The following KCNH7 variants were observed in gnomAD, a reference collection of about 807,000 sequenced individuals.
KCNH7 encodes potassium voltage-gated channel subfamily H member 7, also known as voltage-gated inwardly rectifying potassium channel KCNH7.
In KCNH7, 49 loss-of-function variants were observed where a neutral mutation model predicts 120.8. The observed-to-expected ratio is 0.41, with a 90% CI of 0.32 to 0.51. The LOEUF is 0.51. KCNH7 is among the 20% of genes least tolerant of loss of function. The pLI, the probability that KCNH7 is intolerant of heterozygous loss-of-function variation, is 0.38. For missense variants in KCNH7, 1,097 were observed against 1,446.6 expected (o/e 0.76, Z 3.92); for synonymous variants, 547 against 516.1 (o/e 1.06, Z -0.81).
At chr2:162,712,599 A>G (rs938591013) in intron 2 of KCNH7, among the ~76,000 whole-genome samples, 2 of 152,156 alleles carry the variant, frequency 1.3e-5, no homozygotes, top group Non-Finnish European at 2.9e-5. Context: ...AAGATGACAG[A>G]TTAAATGAAC....
intron 2 of KCNH7, among the ~76,000 whole-genome samples, chr2:162,647,777 G>A (rs1257486566): frequency 6.6e-6 from 1 of 152,090 alleles, no homozygotes; most frequent in Non-Finnish European, 1.5e-5. Flanking sequence ...CCAGTCTTGA[G>A]TATGTCTTTA....
rs143323115 is a variant in KCNH7, at chr2:162,658,771, C to A, written c.308-121691G>T. ...TATATTTTAAATTTCAAATTCCAAT[C>A]ATTTATTCTTGGTACATAGGAAAGT... On this transcript the variant is annotated intron_variant, in intron 2 of 15. Coordinates refer to ENST00000332142, the MANE Select transcript of KCNH7 (RefSeq NM_033272.4). 2.6e-3 allele frequency among the ~76,000 whole-genome samples: 399 copies of A among 151,898 alleles called. 1 individual carries two copies. The highest frequency in any genetic ancestry group is 4.8e-3 in the Non-Finnish European group (326 of 68,004).
At chr2:162,595,916 G>A (rs1694364524) in intron 2 of KCNH7, among the ~76,000 whole-genome samples, 1 of 151,606 alleles carries the variant, frequency 6.6e-6, no homozygotes, top group Non-Finnish European at 1.5e-5. Context: ...TACATTAACA[G>A]TGAACTTCTA....
chr2:162,822,101 G>T (rs1438071341), intron 2 of KCNH7, among the ~76,000 whole-genome samples: 1 of 51,138 alleles, frequency 2.0e-5, no homozygotes, highest in Non-Finnish European at 6.1e-5. Flanking sequence ...CCACAATAAA[G>T]CCCCTAAAAT....
intron 14 of KCNH7, among the ~76,000 whole-genome samples, chr2:162,379,158 C>T (rs566843284): frequency 6.6e-6 from 1 of 152,114 alleles, no homozygotes; most frequent in Non-Finnish European, 1.5e-5. Context: ...AATATCTTGC[C>T]TGGTGGTGAA....
intron 6 of KCNH7, among the ~76,000 whole-genome samples, chr2:162,503,866 C>G (rs1422641943): frequency 6.6e-6 from 1 of 152,032 alleles, no homozygotes; most frequent in Non-Finnish European, 1.5e-5. Context: ...TTTATCTACT[C>G]TCTGAAGCAG....
Position 162,633,504 on chromosome 2 carries a change from T to G in KCNH7, c.308-96424A>C, listed in dbSNP as rs191518525. Among the ~76,000 whole-genome samples the G allele has an allele frequency of 3.1e-3, 463 of 151,204 alleles. 1 individual carries two copies. Among genetic ancestry groups the G allele is most frequent in the African/African-American group, 0.011 (441 of 41,270 alleles). Reference sequence around the variant, plus strand: ...TATAACTGTTAGTTGTTATCTATGTTATTTACTTTCTTTAAAGTTTAGTAT... The same window carrying G: ...TATAACTGTTAGTTGTTATCTATGTGATTTACTTTCTTTAAAGTTTAGTAT... On this transcript the variant is annotated intron_variant, in intron 2 of 15. Coordinates refer to ENST00000332142, the MANE Select transcript of KCNH7 (RefSeq NM_033272.4).
chr2:162,710,983 TCAACTC>T (rs1686907785), intron 2 of KCNH7, among the ~76,000 whole-genome samples: 1 of 152,146 alleles, frequency 6.6e-6, no homozygotes. Context: ...CAATGTCACT[TCAACTC>T]CACAACCACA....
intron 2 of KCNH7, among the ~76,000 whole-genome samples, chr2:162,651,498 G>A (rs1211925674): frequency 6.6e-6 from 1 of 152,076 alleles, no homozygotes; most frequent in East Asian, 1.9e-4. Context: ...GTTTGCTAAG[G>A]ATAATAGCCT....
chr2:162,589,852 C>G (rs1361106207), intron 2 of KCNH7, among the ~76,000 whole-genome samples: 3 of 152,066 alleles, frequency 2.0e-5, no homozygotes, highest in Non-Finnish European at 4.4e-5. Context: ...CTGCTACTAA[C>G]TGTATTATTT....
In KCNH7 at chr2:162,590,989, G is replaced by A. The variant is rs1430803613; in HGVS notation, c.308-53909C>T. On this transcript the variant is annotated intron_variant, in intron 2 of 15. Transcript: ENST00000332142. ...TCATCTCCTACCACTCAGTGTTTCA[G>A]CTATAATAAATTTTCTGTTCCTGGG... Among the ~76,000 whole-genome samples the A allele has an allele frequency of 2.6e-5, 4 of 152,114 alleles. No individual in the cohort carries two copies. In the East Asian group the frequency reaches 7.8e-4, roughly 30 times the overall value.
chr2:162,539,447 A>G (rs1363260921), intron 2 of KCNH7, among the ~76,000 whole-genome samples: 2 of 152,078 alleles, frequency 1.3e-5, no homozygotes, highest in Admixed American at 1.3e-4. Flanking sequence ...AAGAAATAAA[A>G]TATGTGGGGA....
chr2:162,631,814 T>C (rs1257562584), intron 2 of KCNH7, among the ~76,000 whole-genome samples: 2 of 152,000 alleles, frequency 1.3e-5, no homozygotes, highest in Non-Finnish European at 2.9e-5. Flanking sequence ...TTAAGAAGAA[T>C]GTAAATGTAG....
intron 2 of KCNH7, among the ~76,000 whole-genome samples, chr2:162,556,707 T>C (rs1692870444): frequency 6.6e-6 from 1 of 152,186 alleles, no homozygotes; most frequent in African/African-American, 2.4e-5. Flanking sequence ...CTCACACAAA[T>C]AGGTGAGTAA....
chr2:162,790,743 C>T (rs1683903326), intron 2 of KCNH7, among the ~76,000 whole-genome samples: 1 of 151,974 alleles, frequency 6.6e-6, no homozygotes, highest in Non-Finnish European at 1.5e-5. Context: ...ATATGATCAT[C>T]TTAATATATG....
intron 15 of KCNH7, among the ~76,000 whole-genome samples, chr2:162,372,501 G>C (rs1685990890): frequency 1.3e-5 from 2 of 152,118 alleles, no homozygotes; most frequent in Non-Finnish European, 2.9e-5. Context: ...TCCCTAGTCA[G>C]ATAATATTAC....
Position 162,725,513 on chromosome 2 carries a change from G to A in KCNH7, c.307+111024C>T, listed in dbSNP as rs146099593. Among the ~76,000 whole-genome samples, 575 of 152,104 alleles carry A rather than the reference G, an allele frequency of 3.8e-3. 3 individuals carry two copies. The highest frequency in any genetic ancestry group is 0.013 in the African/African-American group (530 of 41,516). On this transcript the variant is annotated intron_variant, in intron 2 of 15. Coordinates refer to ENST00000332142, the MANE Select transcript of KCNH7 (RefSeq NM_033272.4). ...ACTTTCATGCAGTCTTTTTACCAAAGGTACTCTATATTATCTGAAGTTTAA... is the reference window on the plus strand; with the variant it reads ...ACTTTCATGCAGTCTTTTTACCAAAAGTACTCTATATTATCTGAAGTTTAA...
At chr2:162,776,169 A>G (rs546307574) in intron 2 of KCNH7, among the ~76,000 whole-genome samples, 1 of 152,292 alleles carries the variant, frequency 6.6e-6, no homozygotes, top group South Asian at 2.1e-4. Flanking sequence ...ACTACATTCC[A>G]CATCCATTGT....
chr2:162,611,627 G>A (rs1682966936), intron 2 of KCNH7, among the ~76,000 whole-genome samples: 1 of 152,164 alleles, frequency 6.6e-6, no homozygotes, highest in African/African-American at 2.4e-5. Context: ...AGCCCATGAG[G>A]CTATGGGAAG....
Sources: gnomAD v4.1 joint callset for allele counts (sites outside exome capture counted in the v4.1 genomes callset) on GRCh38, gnomAD v4.1.1 for gene constraint, MANE v1.5 for transcripts, NCBI Gene and HGNC (gene_info 2026-07-23, HGNC 2026-07-21) for gene names.